CDH13: variants seen among roughly 807,000 people sequenced by gnomAD.
CDH13 encodes cadherin-13.
A neutral mutation model predicts 63.8 loss-of-function variants in CDH13; 24 were observed. The ratio of observed to expected loss-of-function variants is 0.38; its 90% CI spans 0.27 to 0.53. The LOEUF is 0.53. Ranked by LOEUF, CDH13 falls within the 20% of genes least tolerant of loss-of-function variation. The pLI, the probability that CDH13 is intolerant of heterozygous loss-of-function variation, is 0.85. For synonymous variants in CDH13, 503 were observed against 355.3 expected (o/e 1.42, Z -4.67); for missense variants, 1,049 against 903.1 (o/e 1.16, Z -2.07).
intron 2 of CDH13, among the ~76,000 whole-genome samples, chr16:82,965,846 T>G (rs1191916110): frequency 6.6e-6 from 1 of 152,334 alleles, no homozygotes; most frequent in South Asian, 2.1e-4. Flanking sequence ...CCCACTGGTT[T>G]ACATTGTCTT....
intron 1 of CDH13, among the ~76,000 whole-genome samples, chr16:82,808,103 G>T (rs1285480450): frequency 6.6e-6 from 1 of 152,122 alleles, no homozygotes; most frequent in Admixed American, 6.6e-5. Context: ...CAGCTAACTA[G>T]CTCAGTGAGC....
chr16:82,971,745 A>G (rs1300869489), intron 2 of CDH13, among the ~76,000 whole-genome samples: 1 of 152,208 alleles, frequency 6.6e-6, no homozygotes, highest in Non-Finnish European at 1.5e-5. Context: ...AATTAAATGT[A>G]AAAAAACACA....
chr16:83,220,053 C>A (rs556689183), intron 5 of CDH13, among the ~76,000 whole-genome samples: 31 of 152,278 alleles, frequency 2.0e-4, no homozygotes, highest in Non-Finnish European at 4.0e-4. Flanking sequence ...GGGTTACTTA[C>A]GACTGGCAGA....
intron 5 of CDH13, among the ~76,000 whole-genome samples, chr16:83,270,273 T>G (rs2088762123): frequency 2.0e-5 from 3 of 152,140 alleles, no homozygotes. Flanking sequence ...CATGCTGTGT[T>G]TGGGTGGAAT....
intron 1 of CDH13, among the ~76,000 whole-genome samples, chr16:82,699,208 G>T (rs762559589): frequency 1.3e-5 from 2 of 152,210 alleles, no homozygotes; most frequent in Admixed American, 6.5e-5. Context: ...GAACTTATGT[G>T]ATGAAACTGG....
intron 2 of CDH13, among the ~76,000 whole-genome samples, chr16:83,004,897 A>C (rs1913322216): frequency 6.6e-6 from 1 of 152,166 alleles, no homozygotes. Flanking sequence ...TGGAGATGGC[A>C]CTTGTCATCC....
intron 7 of CDH13, among the ~76,000 whole-genome samples, chr16:83,500,875 C>T (rs1033817059): frequency 6.6e-5 from 10 of 152,012 alleles, no homozygotes; most frequent in South Asian, 4.2e-4. Context: ...CCACCACAAC[C>T]GGCCTAGAGA....
intron 12 of CDH13, among the ~76,000 whole-genome samples, chr16:83,782,970 G>T (rs189051450): frequency 7.9e-5 from 12 of 152,034 alleles, no homozygotes; most frequent in Admixed American, 7.9e-4. Context: ...GATTATAATC[G>T]CGCCGAGGCA....
At chr16:83,123,009 A>G (rs1046075430) in intron 3 of CDH13, among the ~76,000 whole-genome samples, 2 of 152,060 alleles carry the variant, frequency 1.3e-5, no homozygotes, top group Admixed American at 1.3e-4. Flanking sequence ...AGCTCCCACC[A>G]AAAAGTGAAA....
intron 3 of CDH13, among the ~76,000 whole-genome samples, chr16:83,102,911 CTTT>C (rs140557578): frequency 0.45 from 42,621 of 94,896 alleles, 8,695 homozygotes; most frequent in Middle Eastern, 0.68. Flanking sequence ...ATTAAACTTT[CTTT>C]TTTTTTTTTC....
At chr16:82,688,249 T>C (rs1242808449) in intron 1 of CDH13, among the ~76,000 whole-genome samples, 2 of 152,182 alleles carry the variant, frequency 1.3e-5, no homozygotes, top group Non-Finnish European at 2.9e-5. Flanking sequence ...TCGAATGCCC[T>C]GCTGGGCTCC....
Position 83,619,556 on chromosome 16 carries a change from G to C in CDH13, c.1101+16962G>C, listed in dbSNP as rs536048120. Reference sequence around the variant, plus strand: ...CTTTGGAGGCTGGGAGAGAGAATTGGTTTGATGCCTGTCCCCACACTTCTG... The same window carrying C: ...CTTTGGAGGCTGGGAGAGAGAATTGCTTTGATGCCTGTCCCCACACTTCTG... On this transcript the variant is annotated intron_variant, in intron 8 of 13. Transcript: ENST00000567109. Among the ~76,000 whole-genome samples, 3 of 152,336 alleles carry C rather than the reference G, an allele frequency of 2.0e-5. No individual in the cohort carries two copies. The South Asian group carries it at 6.2e-4, about 32-fold the overall frequency.
intron 2 of CDH13, among the ~76,000 whole-genome samples, chr16:82,960,487 G>C (rs1038370302): frequency 3.3e-5 from 5 of 152,176 alleles, no homozygotes; most frequent in Non-Finnish European, 7.3e-5. Context: ...GATGTGGGAA[G>C]CTGGAGAGAA....
chr16:83,307,691 A>T (rs2089910913), intron 5 of CDH13, among the ~76,000 whole-genome samples: 1 of 152,208 alleles, frequency 6.6e-6, no homozygotes, highest in African/African-American at 2.4e-5. Flanking sequence ...AGAAATTGAA[A>T]AGTATTTTAA....
At chr16:83,570,155 A>C (rs1475156279) in intron 7 of CDH13, among the ~76,000 whole-genome samples, 1 of 152,190 alleles carries the variant, frequency 6.6e-6, no homozygotes, top group African/African-American at 2.4e-5. Context: ...GCCAGAAAGC[A>C]AAGCAAAGGA....
At chr16:83,552,097 G>A (rs1389874084) in intron 7 of CDH13, among the ~76,000 whole-genome samples, 6 of 152,214 alleles carry the variant, frequency 3.9e-5, no homozygotes, top group Non-Finnish European at 1.5e-5. Flanking sequence ...CTCCCACCTT[G>A]GGATAAATGA....
chr16:83,467,780 G>A (rs548264311), intron 6 of CDH13, among the ~76,000 whole-genome samples: 88 of 152,252 alleles, frequency 5.8e-4, no homozygotes, highest in Admixed American at 1.1e-3. Context: ...GTAACCCTGA[G>A]CCAGTCACTT....
At chr16:83,624,373 C>G (rs1910089850) in intron 8 of CDH13, among the ~76,000 whole-genome samples, 3 of 151,480 alleles carry the variant, frequency 2.0e-5, no homozygotes, top group African/African-American at 4.8e-5. Flanking sequence ...AGTCCCCAGC[C>G]TTTTTGGCAC....
At chr16:82,794,653 C>T (rs1028812331) in intron 1 of CDH13, among the ~76,000 whole-genome samples, 2 of 152,122 alleles carry the variant, frequency 1.3e-5, no homozygotes, top group African/African-American at 2.4e-5. Context: ...TTCTCTTTGA[C>T]TGAAATGAAT....
Sources: allele counts gnomAD v4.1 joint callset (sites outside exome capture counted in the v4.1 genomes callset), GRCh38; gene constraint gnomAD v4.1.1; transcripts MANE v1.5; gene names NCBI Gene and HGNC (gene_info 2026-07-23, HGNC 2026-07-21).